UNC5D: variants seen among roughly 807,000 people sequenced by gnomAD.
The protein encoded by UNC5D is netrin receptor UNC5D.
Under a neutral mutation model 105.4 loss-of-function variants are expected in UNC5D, and 39 were observed. The ratio of observed to expected loss-of-function variants is 0.37; its 90% CI spans 0.29 to 0.48. UNC5D has a LOEUF of 0.48. UNC5D is among the 20% of genes least tolerant of loss of function. The pLI is 0.98. For missense variants in UNC5D, 991 were observed against 1,202.4 expected (o/e 0.82, Z 2.60); for synonymous variants, 452 against 450.4 (o/e 1.00, Z -0.04).
At chr8:35,621,274 G>A (rs1054817838) in intron 4 of UNC5D, among the ~76,000 whole-genome samples, 12 of 152,102 alleles carry the variant, frequency 7.9e-5, no homozygotes, top group African/African-American at 2.7e-4. Flanking sequence ...ACAGATAGTC[G>A]TTAACATGTG....
intron 1 of UNC5D, among the ~76,000 whole-genome samples, chr8:35,415,737 A>C (rs770268174): frequency 1.3e-5 from 2 of 152,202 alleles, no homozygotes; most frequent in Non-Finnish European, 2.9e-5. Flanking sequence ...TTGAACACTA[A>C]GTATTTCCAA....
intron 1 of UNC5D, among the ~76,000 whole-genome samples, chr8:35,294,102 A>T (rs1361806835): frequency 6.6e-6 from 1 of 152,130 alleles, no homozygotes; most frequent in Non-Finnish European, 1.5e-5. Context: ...TTGTTATGTA[A>T]CTCAAAGACT....
intron 14 of UNC5D, among the ~76,000 whole-genome samples, chr8:35,761,133 G>T (rs1283767055): frequency 6.6e-6 from 1 of 152,052 alleles, no homozygotes; most frequent in Non-Finnish European, 1.5e-5. Context: ...TGATATTCAA[G>T]ATGTAGGTCT....
chr8:35,542,689 T>A (rs1384390358), intron 1 of UNC5D, among the ~76,000 whole-genome samples: 1 of 152,220 alleles, frequency 6.6e-6, no homozygotes, highest in African/African-American at 2.4e-5. Flanking sequence ...GTATTCTGAA[T>A]TTTTCACCTA....
chr8:35,589,406 C>CT (rs34226092), intron 3 of UNC5D, among the ~76,000 whole-genome samples: 13,944 of 136,230 alleles, frequency 0.1, 675 homozygotes, highest in Middle Eastern at 0.14. Context: ...GAGCTCTCAT[C>CT]TTTTTTTTTT....
intron 4 of UNC5D, among the ~76,000 whole-genome samples, chr8:35,611,161 A>G (rs189852317): frequency 6.9e-4 from 105 of 152,264 alleles, no homozygotes; most frequent in African/African-American, 2.5e-3. Context: ...GTAAAGCCTC[A>G]TTATGTTTGG....
intron 1 of UNC5D, among the ~76,000 whole-genome samples, chr8:35,392,184 C>T (rs1803818813): frequency 6.6e-6 from 1 of 152,110 alleles, no homozygotes; most frequent in Non-Finnish European, 1.5e-5. Context: ...TTAGAGGTTG[C>T]CCATGTTCCT....
At chr8:35,385,420 G>C (rs1803324085) in intron 1 of UNC5D, among the ~76,000 whole-genome samples, 1 of 150,494 alleles carries the variant, frequency 6.6e-6, no homozygotes, top group Non-Finnish European at 1.5e-5. Flanking sequence ...TATTAGATAG[G>C]GTCACACCTG....
intron 1 of UNC5D, among the ~76,000 whole-genome samples, chr8:35,236,268 G>T (rs2128796322): frequency 6.6e-6 from 1 of 152,310 alleles, no homozygotes; most frequent in South Asian, 2.1e-4. Context: ...CGCCCATAGC[G>T]ATGTCGGAGA....
intron 7 of UNC5D, among the ~76,000 whole-genome samples, chr8:35,688,780 A>C (rs1357515091): frequency 6.6e-6 from 1 of 152,222 alleles, no homozygotes; most frequent in East Asian, 1.9e-4. Context: ...TTTCATTTCC[A>C]CTACAGGAAA....
At chr8:35,440,387 T>C (rs1807318364) in intron 1 of UNC5D, among the ~76,000 whole-genome samples, 1 of 151,972 alleles carries the variant, frequency 6.6e-6, no homozygotes, top group South Asian at 2.1e-4. Flanking sequence ...TTTTAGCTGC[T>C]TCTCATGAAG....
intron 4 of UNC5D, among the ~76,000 whole-genome samples, chr8:35,596,006 T>C (rs1435925434): frequency 2.6e-5 from 4 of 152,150 alleles, no homozygotes; most frequent in Admixed American, 6.5e-5. Context: ...ATCTGAGCTG[T>C]AACAGGCAAA....
intron 1 of UNC5D, among the ~76,000 whole-genome samples, chr8:35,411,927 G>A (rs1209787880): frequency 6.6e-6 from 1 of 152,020 alleles, no homozygotes; most frequent in Non-Finnish European, 1.5e-5. Context: ...CAAAATGAAA[G>A]ACAAGATCTA....
In UNC5D at chr8:35,767,000, C is replaced by A. The variant is rs1334945488; in HGVS notation, c.2412C>A (p.Cys804Ter). The A allele has an allele frequency of 6.2e-7, 1 of 1,614,086 alleles. No individual in the cohort carries two copies. Among genetic ancestry groups the A allele is most frequent in the South Asian group, 1.1e-5 (1 of 91,076 alleles). Residue 804 changes from cysteine (C) to a stop codon, truncating the protein, a stop_gained, in exon 15 of 17, where the codon TGC (cysteine) becomes TGA (stop). Transcript: ENST00000404895. LOFTEE classifies it high-confidence loss of function. ...RYTPTTTQLS[C>*]KICIRQLKGH... Reference sequence around the variant, plus strand: ...CGCCCACTACCACCCAGCTGTCCTGCAAAATCTGCATTCGGCAGCTCAAAG... The same window carrying A: ...CGCCCACTACCACCCAGCTGTCCTGAAAAATCTGCATTCGGCAGCTCAAAG...
chr8:35,450,477 A>G (rs1308103818), intron 1 of UNC5D, among the ~76,000 whole-genome samples: 31 of 152,178 alleles, frequency 2.0e-4, no homozygotes, highest in Non-Finnish European at 1.5e-5. Flanking sequence ...GAATTTTAGG[A>G]AGCTGAAAAT....
intron 3 of UNC5D, 129 bp from the exon 4 acceptor site, chr8:35,595,425 A>C: frequency 1.4e-6 from 1 of 727,002 alleles, no homozygotes; most frequent in East Asian, 2.5e-5. Context: ...GAATTCCTGG[A>C]ACAAGTGACT....
At chr8:35,385,906 C>T (rs1397648005) in intron 1 of UNC5D, among the ~76,000 whole-genome samples, 1 of 152,068 alleles carries the variant, frequency 6.6e-6, no homozygotes, top group African/African-American at 2.4e-5. Context: ...CATCTTAAAC[C>T]ATATCCAGCT....
intron 1 of UNC5D, among the ~76,000 whole-genome samples, chr8:35,271,355 A>ACACGTGCACGTGTGTATGTATATG (rs1563267245): frequency 1.6e-5 from 2 of 124,436 alleles, no homozygotes; most frequent in African/African-American, 6.7e-5. Flanking sequence ...ATGTATATGC[A>ACACGTGCACGTGTGTATGTATATG]TACACACGTG....
intron 11 of UNC5D, among the ~76,000 whole-genome samples, chr8:35,741,738 G>T (rs1249802549): frequency 1.3e-5 from 2 of 151,994 alleles, no homozygotes; most frequent in African/African-American, 4.8e-5. Context: ...ATATTTGATG[G>T]AGCACCAAGG....
Sources: gnomAD v4.1 joint callset for allele counts (sites outside exome capture counted in the v4.1 genomes callset) on GRCh38, gnomAD v4.1.1 for gene constraint, MANE v1.5 for transcripts, NCBI Gene and HGNC (gene_info 2026-07-23, HGNC 2026-07-21) for gene names.